The following CTBP2 variants were observed in gnomAD, a reference collection of about 807,000 sequenced individuals.
CTBP2 encodes C-terminal binding protein 2.
In CTBP2, 30 loss-of-function variants were observed where a neutral mutation model predicts 80.3. The ratio of observed to expected loss-of-function variants is 0.37; its 90% confidence interval spans 0.28 to 0.51. CTBP2 has a LOEUF of 0.51. Among genes scored for constraint, CTBP2 ranks in the 20% least tolerant of loss-of-function variants. CTBP2 has a pLI of 0.93. For missense variants in CTBP2, 1,212 were observed against 1,375.3 expected (o/e 0.88, Z 1.88); for synonymous variants, 594 against 587.4 (o/e 1.01, Z -0.16).
At chr10:124,993,800 C>CA in intron 6 of CTBP2, 55 bp downstream of exon 8, 1 of 1,562,698 alleles carries the variant, frequency 6.4e-7, no homozygotes. Flanking sequence ...GTGTGGGGGT[C>CA]AGGTGTGGAG....
Position 124,988,680 on chromosome 10 carries a change from A to C in CTBP2, c.*838T>G, listed in dbSNP as rs1408409541. ...TATAAAATATCACGTGAAGAAAAGA[A>C]GACTTTATCAATGTCTAAAAAAGTG... On this transcript the variant is annotated 3_prime_UTR_variant, in exon 9 of 9. Coordinates refer to ENST00000309035, the MANE Select transcript of CTBP2 (RefSeq NM_022802.3). The C allele has an allele frequency of 2.0e-5, 3 of 148,586 alleles. No homozygotes were observed. The highest frequency in any genetic ancestry group is 7.3e-5 in the African/African-American group (3 of 40,914). The allele number at this position is 148,586 out of a possible 1,614,324, so 9.2% of individuals were successfully genotyped here.
chr10:124,993,478 C>A (rs1451441528), intron 6 of CTBP2, 149 bp from the exon 9 acceptor site: 1 of 1,014,612 alleles, frequency 9.9e-7, no homozygotes, highest in Non-Finnish European at 1.4e-6. Context: ...TTTATGAAGG[C>A]TGGGAATTTT....
At chr10:125,098,724 C>CAGAGAGAGAG (rs1564914318) in intron 2 of CTBP2, among the ~76,000 whole-genome samples, 3 of 75,662 alleles carry the variant, frequency 4.0e-5, no homozygotes, top group African/African-American at 1.9e-4. Context: ...GAGAGAGAGA[C>CAGAGAGAGAG]AGAGAGAGAG....
intron 2 of CTBP2, 107 bp from the exon 3 acceptor site, chr10:125,039,262 G>A (rs996393234): frequency 3.9e-5 from 19 of 493,114 alleles, no homozygotes; most frequent in African/African-American, 1.8e-4. Context: ...CCTGCCATGC[G>A]GACACATGGG....
At chr10:125,001,150 G>C (rs1039215771) in intron 3 of CTBP2, 10 of 152,220 alleles carry the variant, frequency 6.6e-5, no homozygotes, top group African/African-American at 2.4e-4. Context: ...TGCCTGTGCG[G>C]GGCACTTCTA....
chr10:125,075,778 G>T (rs556660407), intron 2 of CTBP2, among the ~76,000 whole-genome samples: 2 of 152,336 alleles, frequency 1.3e-5, no homozygotes, highest in South Asian at 4.1e-4. Flanking sequence ...AAATGCAGAG[G>T]ATAATGCTAA....
chr10:125,116,450 C>T (rs1435202664), intron 1 of CTBP2, among the ~76,000 whole-genome samples: 2 of 152,148 alleles, frequency 1.3e-5, no homozygotes, highest in East Asian at 3.9e-4. Context: ...ACACTCTGCC[C>T]CTCCTCCCAA....
At chr10:125,038,915 C>T in intron 3 of CTBP2, 82 bp downstream of exon 3, 1 of 1,397,224 alleles carries the variant, frequency 7.2e-7, no homozygotes, top group Non-Finnish European at 1.0e-6. Context: ...GGGAGTGGCA[C>T]AGCCAACTCA....
At chr10:125,096,244 T>A (rs1849528387) in intron 2 of CTBP2, among the ~76,000 whole-genome samples, 1 of 152,242 alleles carries the variant, frequency 6.6e-6, no homozygotes, top group Non-Finnish European at 1.5e-5. Context: ...ATTACTATAC[T>A]TCGTATTTCC....
At chr10:125,157,965 T>G (rs1224574423) in intron 1 of CTBP2, among the ~76,000 whole-genome samples, 1 of 152,192 alleles carries the variant, frequency 6.6e-6, no homozygotes, top group Non-Finnish European at 1.5e-5. Context: ...TATTTAGCGT[T>G]TCAACTCTAC....
intron 1 of CTBP2, among the ~76,000 whole-genome samples, chr10:125,156,016 C>T (rs1860855517): frequency 6.6e-6 from 1 of 152,182 alleles, no homozygotes; most frequent in Admixed American, 6.5e-5. Context: ...AAAAGACACC[C>T]CGAGATTTCA....
chr10:125,119,485 G>C (rs1164503112), intron 1 of CTBP2, among the ~76,000 whole-genome samples: 1 of 152,188 alleles, frequency 6.6e-6, no homozygotes, highest in Non-Finnish European at 1.5e-5. Context: ...GGATATGTCA[G>C]ACACTATCCA....
intron 2 of CTBP2, among the ~76,000 whole-genome samples, chr10:125,098,776 G>GAGAT (rs1850149537): frequency 6.8e-6 from 1 of 146,052 alleles, no homozygotes; most frequent in Non-Finnish European, 1.5e-5. Flanking sequence ...GAGAGAGAGA[G>GAGAT]AGACAGAGAG....
chr10:125,147,136 T>C (rs1858927445), intron 1 of CTBP2, among the ~76,000 whole-genome samples: 1 of 152,304 alleles, frequency 6.6e-6, no homozygotes, highest in East Asian at 1.9e-4. Context: ...GATGATGACG[T>C]GTGCACAGAG....
chr10:125,045,896 A>C (rs1272672029), intron 2 of CTBP2, among the ~76,000 whole-genome samples: 1 of 152,078 alleles, frequency 6.6e-6, no homozygotes, highest in Non-Finnish European at 1.5e-5. Context: ...CCAACCCCAG[A>C]GTGACATGGT....
chr10:125,007,650 G>A (rs564004163), intron 1 of CTBP2, among the ~76,000 whole-genome samples: 2 of 152,286 alleles, frequency 1.3e-5, no homozygotes, highest in South Asian at 2.1e-4. Context: ...ACCATGCAAG[G>A]CAAATGGGAT....
chr10:125,155,046 G>T (rs529229027), intron 1 of CTBP2, among the ~76,000 whole-genome samples: 3 of 152,332 alleles, frequency 2.0e-5, no homozygotes, highest in Admixed American at 6.5e-5. Context: ...TTTCGAGGGG[G>T]TAGAAAAGGT....
chr10:125,115,502 T>C (rs1413348261), intron 1 of CTBP2, among the ~76,000 whole-genome samples: 1 of 152,130 alleles, frequency 6.6e-6, no homozygotes, highest in African/African-American at 2.4e-5. Flanking sequence ...TGCCTGTGAT[T>C]TGGAGGTAAC....
At chr10:125,096,274 G>C (rs1849533652) in intron 2 of CTBP2, among the ~76,000 whole-genome samples, 1 of 151,960 alleles carries the variant, frequency 6.6e-6, no homozygotes, top group Non-Finnish European at 1.5e-5. Context: ...TTTTTTCTGA[G>C]AGTAGGTTAA....
Sources: gnomAD v4.1 joint callset for allele counts (sites outside exome capture counted in the v4.1 genomes callset) on GRCh38, gnomAD v4.1.1 for gene constraint, MANE v1.5 for transcripts, NCBI Gene and HGNC (gene_info 2026-07-23, HGNC 2026-07-21) for gene names.